Variants in EML5 observed in about 807,000 individuals in gnomAD.
The protein encoded by EML5 is echinoderm microtubule-associated protein-like 5.
In EML5, 120 loss-of-function variants were observed where a neutral mutation model predicts 250.0. The ratio of observed to expected loss-of-function variants is 0.48; its 90% CI spans 0.41 to 0.56. The LOEUF (loss-of-function observed/expected upper bound fraction) is 0.56, where lower values mean the gene tolerates loss of function less well. EML5 is among the 20% of genes least tolerant of loss of function. EML5 has a pLI of 0.00. For synonymous variants in EML5, 771 were observed against 806.5 expected (o/e 0.96, Z 0.75); for missense variants, 2,006 against 2,437.6 (o/e 0.82, Z 3.73).
intron 27 of EML5, among the ~76,000 whole-genome samples, chr14:88,650,211 G>C (rs368243006): frequency 2.0e-5 from 3 of 152,186 alleles, no homozygotes; most frequent in Admixed American, 2.0e-4. Flanking sequence ...CCAGCACTTC[G>C]GGAGGCTGAG....
Position 88,694,385 on chromosome 14 carries a change from C to CA in EML5, c.2460dup (p.Val821CysfsTer10). ...GGCACATAGGGGTTCATCTTTACAA[C>CA]AAAAATCTTATCTTTACTTCCTCTG... On this transcript the variant is annotated frameshift_variant, in exon 17 of 44. Coordinates refer to ENST00000554922, the MANE Select transcript of EML5 (RefSeq NM_183387.3). LOFTEE classifies it high-confidence loss of function. 1 of 1,583,768 alleles carries CA rather than the reference C, an allele frequency of 6.3e-7. No homozygotes were observed. Among genetic ancestry groups the CA allele is most frequent in the Non-Finnish European group, 8.6e-7 (1 of 1,164,072 alleles).
chr14:88,618,803 C>A lies in EML5; in HGVS notation c.5385G>T (p.Pro1795=), dbSNP rs750647201. The A allele has an allele frequency of 5.7e-6, 9 of 1,582,912 alleles. No homozygotes were observed. The highest frequency in any genetic ancestry group is 6.9e-6 in the Non-Finnish European group (8 of 1,163,462). The change falls in exon 40 of 44, where the codon CCG becomes CCT. Residue 1795 remains proline (P), a synonymous_variant. Transcript: ENST00000554922. ...RCAIHDIRFS[P]DSRYLAVGSS... ...AACCTACTGCCAGATACCGGGAATC[C>A]GGACTAAATCTGAATCAAAACAAAA...
At position 88,792,798 on chromosome 14, in the gene EML5, G is replaced by GC. The variant is rs1223563430; in HGVS notation, c.-296dup. The GC allele has an allele frequency of 1.0e-6, 1 of 985,864 alleles. No homozygotes were observed. Among genetic ancestry groups the GC allele is most frequent in the East Asian group, 9.4e-5 (1 of 10,584 alleles). 61.1% of individuals were successfully genotyped at this position (985,864 alleles called of 1,614,324 possible). ...TCGCCTAGTCTCCTCAGCCCGTAGC[G>GC]CCTGGGCCGAGAGCGAGGGCCCGCC... On this transcript the variant is annotated 5_prime_UTR_variant, in exon 1 of 44. Coordinates refer to ENST00000554922, the MANE Select transcript of EML5 (RefSeq NM_183387.3). The surrounding 1 kb of genome is among the most constrained non-coding windows in gnomAD (Gnocchi z 6.9).
chr14:88,704,557 A>G (rs1465634257), intron 13 of EML5, among the ~76,000 whole-genome samples: 1 of 152,228 alleles, frequency 6.6e-6, no homozygotes, highest in African/African-American at 2.4e-5. Context: ...CAAAGCACAC[A>G]TATCATTAAT....
chr14:88,758,759 A>T (rs572642556), intron 1 of EML5, among the ~76,000 whole-genome samples: 30 of 152,392 alleles, frequency 2.0e-4, no homozygotes, highest in African/African-American at 6.2e-4. Context: ...ATGGCCAAAA[A>T]GTAGAAACAA....
intron 17 of EML5, among the ~76,000 whole-genome samples, chr14:88,690,483 C>T (rs2092931334): frequency 6.6e-6 from 1 of 152,076 alleles, no homozygotes; most frequent in South Asian, 2.1e-4. Context: ...CTTTTCTCAA[C>T]ATAGAAGGCA....
chr14:88,773,199 C>T (rs1396266526), intron 1 of EML5, among the ~76,000 whole-genome samples: 1 of 152,214 alleles, frequency 6.6e-6, no homozygotes, highest in Non-Finnish European at 1.5e-5. Flanking sequence ...GGTCATAGTA[C>T]ACCTCACTTG....
intron 31 of EML5, among the ~76,000 whole-genome samples, chr14:88,640,264 T>C (rs931978237): frequency 1.8e-4 from 28 of 152,198 alleles, no homozygotes; most frequent in African/African-American, 6.8e-4. Flanking sequence ...TCTTCTCATC[T>C]GCACATGAAA....
intron 1 of EML5, among the ~76,000 whole-genome samples, chr14:88,775,300 C>A (rs1489633318): frequency 6.6e-6 from 1 of 151,732 alleles, no homozygotes; most frequent in Non-Finnish European, 1.5e-5. Flanking sequence ...GGTAGATCAC[C>A]AAGTGGGATC....
At chr14:88,719,029 T>C (rs1198364017) in intron 8 of EML5, among the ~76,000 whole-genome samples, 3 of 152,170 alleles carry the variant, frequency 2.0e-5, no homozygotes, top group African/African-American at 4.8e-5. Context: ...CCTTTTAAAG[T>C]TGATAAAATG....
intron 8 of EML5, among the ~76,000 whole-genome samples, chr14:88,716,797 C>G (rs2093502600): frequency 1.3e-5 from 2 of 151,724 alleles, no homozygotes; most frequent in African/African-American, 4.8e-5. Flanking sequence ...TTGTGGTTGA[C>G]TGATTGGTAT....
chr14:88,774,043 C>T (rs536761812), intron 1 of EML5, among the ~76,000 whole-genome samples: 3 of 152,200 alleles, frequency 2.0e-5, no homozygotes, highest in Admixed American at 1.3e-4. Flanking sequence ...CGCTCGAACC[C>T]GGAGGCAAAG....
intron 27 of EML5, 138 bp from the exon 28 acceptor site, chr14:88,650,064 T>G: frequency 1.9e-6 from 1 of 538,184 alleles, no homozygotes; most frequent in Non-Finnish European, 3.1e-6. Context: ...CTAACTTATG[T>G]CACATTGGTT....
intron 25 of EML5, among the ~76,000 whole-genome samples, chr14:88,661,355 T>C (rs1313539613): frequency 1.3e-5 from 2 of 152,214 alleles, no homozygotes; most frequent in Non-Finnish European, 1.5e-5. Context: ...GCTCCCAAAG[T>C]ACTATACTGG....
intron 25 of EML5, among the ~76,000 whole-genome samples, chr14:88,660,300 A>G (rs906690562): frequency 2.0e-5 from 3 of 150,292 alleles, no homozygotes; most frequent in Admixed American, 6.6e-5. Flanking sequence ...AAAAAAAAAG[A>G]AAGGAATGCA....
At chr14:88,686,101 CT>C (rs2092825790) in intron 19 of EML5, among the ~76,000 whole-genome samples, 1 of 151,906 alleles carries the variant, frequency 6.6e-6, no homozygotes, top group Admixed American at 6.6e-5. Flanking sequence ...TGGAATCTAA[CT>C]TTTTTGAGAG....
chr14:88,657,236 ACTTT>A, intron 27 of EML5, 136 bp downstream of exon 27: 1 of 779,154 alleles, frequency 1.3e-6, no homozygotes, highest in East Asian at 2.9e-5. Context: ...AGACAGACAT[ACTTT>A]CTAAGAGGTG....
intron 1 of EML5, among the ~76,000 whole-genome samples, chr14:88,770,456 T>C (rs1466217077): frequency 6.6e-6 from 1 of 152,188 alleles, no homozygotes; most frequent in Admixed American, 6.5e-5. Context: ...TTCACATCAT[T>C]TGTTGACAAG....
chr14:88,707,074 G>A (rs1211394943), intron 10 of EML5, among the ~76,000 whole-genome samples: 1 of 151,994 alleles, frequency 6.6e-6, no homozygotes, highest in Non-Finnish European at 1.5e-5. Flanking sequence ...TTAGATTCAG[G>A]TGATGTGTTT....
Sources: allele counts gnomAD v4.1 joint callset (sites outside exome capture counted in the v4.1 genomes callset), GRCh38; gene constraint gnomAD v4.1.1; non-coding constraint Gnocchi (gnomAD v3.1); transcripts MANE v1.5; gene names NCBI Gene and HGNC (gene_info 2026-07-23, HGNC 2026-07-21).